Variants in OR2L13 observed in about 807,000 individuals in gnomAD.
OR2L13 encodes olfactory receptor family 2 subfamily L member 13, also known as olfactory receptor 2L13.
A neutral mutation model predicts 15.3 loss-of-function variants in OR2L13; 14 were observed. The ratio of observed to expected loss-of-function variants is 0.91; its 90% CI spans 0.60 to 1.43. The LOEUF is 1.43. Among genes scored for constraint, OR2L13 ranks in the 40% most tolerant of loss-of-function variants. OR2L13 has a pLI of 0.00. For missense variants in OR2L13, 367 were observed against 387.9 expected (o/e 0.95, Z 0.45); for synonymous variants, 152 against 142.9 (o/e 1.06, Z -0.45).
chr1:248,022,083 C>T, the OR2L13 span: 1 of 1,613,768 alleles, frequency 6.2e-7, no homozygotes, highest in African/African-American at 1.3e-5. Context: ...ATCCATGATT[C>T]TTCTCATCTT....
the OR2L13 span, among the ~76,000 whole-genome samples, chr1:247,976,243 A>G: frequency 6.6e-6 from 1 of 152,198 alleles, no homozygotes; most frequent in Non-Finnish European, 1.5e-5. Flanking sequence ...ACCATTCCCC[A>G]GTCACATCAC....
the OR2L13 span, chr1:247,966,457 CA>C: frequency 2.3e-5 from 23 of 1,002,284 alleles, no homozygotes; most frequent in Non-Finnish European, 3.1e-5. Context: ...ACTTGTAAAG[CA>C]ATAGAATTCA....
the OR2L13 span, among the ~76,000 whole-genome samples, chr1:247,940,757 C>CGTGTGTGTGTGTGTGTGTGTGTGTGTGT: frequency 6.8e-6 from 1 of 147,288 alleles, no homozygotes; most frequent in Non-Finnish European, 1.5e-5. Flanking sequence ...TGTGTGTGTG[C>CGTGTGTGTGTGTGTGTGTGTGTGTGTGT]GCGCGCTAAG....
the OR2L13 span, chr1:248,060,978 G>C: frequency 6.2e-7 from 1 of 1,613,972 alleles, no homozygotes; most frequent in Non-Finnish European, 8.5e-7. Flanking sequence ...GTGGGATTCA[G>C]AGTTTCTTCT....
chr1:248,003,104 C>T, the OR2L13 span: 1 of 1,104,464 alleles, frequency 9.1e-7, no homozygotes, highest in East Asian at 2.3e-5. Context: ...TCGTGTCTCC[C>T]TTCCGGATGG....
the OR2L13 span, chr1:248,022,744 C>T: frequency 6.2e-7 from 1 of 1,614,152 alleles, no homozygotes; most frequent in Non-Finnish European, 8.5e-7. Flanking sequence ...TCCCTGCGAT[C>T]TCTGACAGAG....
At chr1:247,976,798 G>A in the OR2L13 span, among the ~76,000 whole-genome samples, 1 of 152,208 alleles carries the variant, frequency 6.6e-6, no homozygotes, top group Non-Finnish European at 1.5e-5. Context: ...GGAACTTTAT[G>A]TTCTCTTCAT....
chr1:248,041,586 G>A, the OR2L13 span: 1 of 152,062 alleles, frequency 6.6e-6, no homozygotes, highest in Non-Finnish European at 1.5e-5. Context: ...TACAGAATGG[G>A]AGAAAATTTT....
the OR2L13 span, among the ~76,000 whole-genome samples, chr1:248,049,269 A>T: frequency 6.6e-6 from 1 of 152,190 alleles, no homozygotes; most frequent in Admixed American, 6.6e-5. Flanking sequence ...TCACTAAATT[A>T]GGCTACTTTC....
chr1:247,972,403 A>G, the OR2L13 span, among the ~76,000 whole-genome samples: 1 of 152,216 alleles, frequency 6.6e-6, no homozygotes, highest in Non-Finnish European at 1.5e-5. Context: ...GAAGAATCAA[A>G]TAGACACAAT....
the OR2L13 span, chr1:248,083,519 CTTA>C: frequency 8.8e-6 from 7 of 795,502 alleles, no homozygotes; most frequent in Middle Eastern, 5.2e-4. Context: ...TTAAAAATAT[CTTA>C]TTATATCAAT....
the OR2L13 span, among the ~76,000 whole-genome samples, chr1:248,042,997 ATC>A: frequency 6.6e-6 from 1 of 152,168 alleles, no homozygotes; most frequent in African/African-American, 2.4e-5. Flanking sequence ...AGGTCTGAAA[ATC>A]TGCCACCATG....
At chr1:247,967,550 A>C in the OR2L13 span, among the ~76,000 whole-genome samples, 1 of 152,170 alleles carries the variant, frequency 6.6e-6, no homozygotes, top group Non-Finnish European at 1.5e-5. Context: ...TTAATACAAA[A>C]TTAATATATC....
the OR2L13 span, among the ~76,000 whole-genome samples, chr1:248,068,534 CAG>C: frequency 6.6e-6 from 1 of 152,120 alleles, no homozygotes; most frequent in Non-Finnish European, 1.5e-5. Flanking sequence ...GGGGAAAAAA[CAG>C]AGCAGAAAAA....
At chr1:247,955,105 C>T in the OR2L13 span, among the ~76,000 whole-genome samples, 1 of 151,840 alleles carries the variant, frequency 6.6e-6, no homozygotes, top group African/African-American at 2.4e-5. Flanking sequence ...CCCCTTCCCC[C>T]ACCCCACAGC....
chr1:248,086,550 G>C, the OR2L13 span, among the ~76,000 whole-genome samples: 3 of 151,994 alleles, frequency 2.0e-5, no homozygotes, highest in Non-Finnish European at 2.9e-5. Flanking sequence ...TCAGGTATAC[G>C]GAGGTATTGC....
chr1:248,088,691 G>T, the OR2L13 span, among the ~76,000 whole-genome samples: 1 of 152,024 alleles, frequency 6.6e-6, no homozygotes, highest in Non-Finnish European at 1.5e-5. Context: ...CTGTTCTTTC[G>T]GTGTTTAATA....
the OR2L13 span, among the ~76,000 whole-genome samples, chr1:247,967,076 A>C: frequency 2.9e-5 from 2 of 68,336 alleles, no homozygotes; most frequent in Non-Finnish European, 8.0e-5. Flanking sequence ...CGAGGTGCAC[A>C]CCCGGGGCCA....
At chr1:248,094,913 T>C (rs1280427127), upstream of OR2L13, among the ~76,000 whole-genome samples, 1 of 152,208 alleles carries the variant, frequency 6.6e-6, no homozygotes, top group African/African-American at 2.4e-5. Flanking sequence ...ATTTAACATC[T>C]TCTATAGCTC....
Sources: gnomAD v4.1 joint callset for allele counts (sites outside exome capture counted in the v4.1 genomes callset) on GRCh38, gnomAD v4.1.1 for gene constraint, MANE v1.5 for transcripts, NCBI Gene and HGNC (gene_info 2026-07-23, HGNC 2026-07-21) for gene names.